The following ANXA11 variants were observed in gnomAD, a reference collection of about 807,000 sequenced individuals.
ANXA11 encodes the protein annexin A11, also known as 56 kDa autoantigen.
ANXA11 carries 57 observed loss-of-function variants against 64.7 expected under a neutral mutation model. That is an observed-to-expected ratio of 0.88 (90% CI 0.71 to 1.10). ANXA11 has a LOEUF of 1.10. Ranked by LOEUF, ANXA11 falls within the 50% of genes least tolerant of loss-of-function variation. ANXA11 has a pLI of 0.00. For synonymous variants in ANXA11, 260 were observed against 265.2 expected (o/e 0.98, Z 0.19); for missense variants, 675 against 670.7 (o/e 1.01, Z -0.07).
At chr10:80,175,935 T>C (rs1050613258) in intron 2 of ANXA11, among the ~76,000 whole-genome samples, 172 bp downstream of exon 2, 3 of 152,114 alleles carry the variant, frequency 2.0e-5, no homozygotes, top group African/African-American at 7.2e-5. Context: ...GTGCCTGTAA[T>C]ACCAGCTACT....
At chr10:80,189,837 C>G (rs1282849155) in intron 1 of ANXA11, among the ~76,000 whole-genome samples, 1 of 152,198 alleles carries the variant, frequency 6.6e-6, no homozygotes, top group East Asian at 1.9e-4. Context: ...CAGCCTCATT[C>G]ACAGTAGTCA....
At chr10:80,163,833 T>C (rs923131311) in intron 9 of ANXA11, among the ~76,000 whole-genome samples, 3 of 152,072 alleles carry the variant, frequency 2.0e-5, no homozygotes, top group African/African-American at 7.2e-5. Context: ...CACATCCAGG[T>C]TTTCCCTGCC....
chr10:80,178,213 C>CTCTT (rs2132443693), intron 1 of ANXA11, among the ~76,000 whole-genome samples: 1 of 97,186 alleles, frequency 1.0e-5, no homozygotes, highest in South Asian at 3.9e-4. Flanking sequence ...AAGATCTGCT[C>CTCTT]TCTCTCTCTC....
intron 2 of ANXA11, among the ~76,000 whole-genome samples, chr10:80,173,688 C>T (rs1846063674): frequency 2.0e-5 from 3 of 152,224 alleles, no homozygotes; most frequent in African/African-American, 7.2e-5. Context: ...GTGCAACCTG[C>T]CTGCTCTTGC....
rs1328205997 is a variant in ANXA11 at position 80,180,364 on chromosome 10, A to G, written c.-57-4209T>C. Among the ~76,000 whole-genome samples, 3 of 152,314 alleles carry G rather than the reference A, an allele frequency of 2.0e-5. No individual in the cohort carries two copies. In the East Asian group the frequency reaches 5.8e-4, roughly 29 times the overall value. ...ACTTCAGGGATACAGAAGGGAAAGG[A>G]GGGGTGGATGGTGTCAGTGCCATGC... On this transcript the variant is annotated intron_variant, in intron 1 of 15. Coordinates refer to ENST00000422982, the MANE Select transcript of ANXA11 (RefSeq NM_145868.2).
rs531138528 is a variant in ANXA11, at chr10:80,153,527, T to C, written c.*2326A>G. On this transcript the variant is annotated 3_prime_UTR_variant, in exon 16 of 16. Transcript: ENST00000422982. Reference sequence around the variant, plus strand: ...TATGGTCACATCAGAGCACATTGGTTCTAGGCCCCATCACAATTCAGGAGG... The same window carrying C: ...TATGGTCACATCAGAGCACATTGGTCCTAGGCCCCATCACAATTCAGGAGG... The C allele has an allele frequency of 6.6e-6, 1 of 152,398 alleles. No individual in the cohort carries two copies. Among genetic ancestry groups the C allele is most frequent in the African/African-American group, 2.4e-5 (1 of 41,584 alleles). The allele number at this position is 152,398 out of a possible 1,614,324, so 9.4% of individuals were successfully genotyped here.
At chr10:80,165,844 A>G (rs1331600373) in intron 8 of ANXA11, among the ~76,000 whole-genome samples, 1 of 152,160 alleles carries the variant, frequency 6.6e-6, no homozygotes, top group Non-Finnish European at 1.5e-5. Flanking sequence ...AGCCTCCCTG[A>G]TGATGACTGG....
chr10:80,200,862 C>T (rs1237269806), intron 1 of ANXA11, among the ~76,000 whole-genome samples: 1 of 152,144 alleles, frequency 6.6e-6, no homozygotes, highest in Non-Finnish European at 1.5e-5. Context: ...ATGCTTCATT[C>T]ACTCATTCAT....
At chr10:80,182,916 A>G (rs971420556) in intron 1 of ANXA11, among the ~76,000 whole-genome samples, 19 of 152,204 alleles carry the variant, frequency 1.2e-4, no homozygotes, top group Non-Finnish European at 8.8e-5. Context: ...GAGCTGCATT[A>G]TAGGACACCC....
chr10:80,184,938 G>A (rs868192864), intron 1 of ANXA11, among the ~76,000 whole-genome samples: 1 of 152,198 alleles, frequency 6.6e-6, no homozygotes, highest in Non-Finnish European at 1.5e-5. Context: ...GAGTTCTGGG[G>A]ACTGGCCTCT....
intron 5 of ANXA11, among the ~76,000 whole-genome samples, chr10:80,168,522 C>CT (rs986734105): frequency 3.3e-5 from 5 of 152,002 alleles, no homozygotes; most frequent in Non-Finnish European, 7.4e-5. Flanking sequence ...CTTTGTTTGT[C>CT]TTTTTTTGTT....
chr10:80,200,942 C>T (rs192935445), intron 1 of ANXA11, among the ~76,000 whole-genome samples: 5 of 152,272 alleles, frequency 3.3e-5, no homozygotes, highest in East Asian at 3.9e-4. Flanking sequence ...TGCCTGAGCA[C>T]GGAGCGCCGT....
At chr10:80,157,213 C>A (rs1381086834) in intron 15 of ANXA11, 1 of 985,240 alleles carries the variant, frequency 1.0e-6, no homozygotes, top group Non-Finnish European at 1.2e-6. Flanking sequence ...AGTGGCGTGA[C>A]CCCCAGGGCC....
intron 1 of ANXA11, among the ~76,000 whole-genome samples, chr10:80,178,135 G>T (rs541930195): frequency 9.9e-4 from 150 of 151,944 alleles, no homozygotes; most frequent in Non-Finnish European, 1.1e-3. Flanking sequence ...AGGCCCTCGG[G>T]TCCCCCTCCC....
intron 4 of ANXA11, among the ~76,000 whole-genome samples, chr10:80,169,642 G>A (rs1226541078): frequency 1.3e-5 from 2 of 152,136 alleles, no homozygotes; most frequent in Admixed American, 1.3e-4. Flanking sequence ...GACCACCTGG[G>A]TGAAGGTTAA....
chr10:80,196,746 A>G (rs571055063), intron 1 of ANXA11, among the ~76,000 whole-genome samples: 1 of 152,248 alleles, frequency 6.6e-6, no homozygotes, highest in South Asian at 2.1e-4. Flanking sequence ...CACTAAACAA[A>G]AAGCCTACAC....
intron 1 of ANXA11, among the ~76,000 whole-genome samples, chr10:80,191,001 G>T (rs1250205395): frequency 6.6e-6 from 1 of 151,876 alleles, no homozygotes; most frequent in Non-Finnish European, 1.5e-5. Flanking sequence ...TGAGGCAGGC[G>T]GATCACCTGA....
At chr10:80,189,077 AGGGACTG>A (rs1226129187) in intron 1 of ANXA11, among the ~76,000 whole-genome samples, 3 of 152,172 alleles carry the variant, frequency 2.0e-5, no homozygotes, top group Non-Finnish European at 4.4e-5. Flanking sequence ...AGGTGGCAAA[AGGGACTG>A]TCCTGAGGTG....
intron 1 of ANXA11, among the ~76,000 whole-genome samples, chr10:80,199,803 C>T (rs1293263887): frequency 6.6e-6 from 1 of 152,206 alleles, no homozygotes; most frequent in Non-Finnish European, 1.5e-5. Context: ...TCTGTAAACA[C>T]AGTACTTGGA....
Sources: gnomAD v4.1 joint callset for allele counts (sites outside exome capture counted in the v4.1 genomes callset) on GRCh38, gnomAD v4.1.1 for gene constraint, MANE v1.5 for transcripts, NCBI Gene and HGNC (gene_info 2026-07-23, HGNC 2026-07-21) for gene names.